PCDHGA7: variants seen among roughly 807,000 people sequenced by gnomAD.
PCDHGA7 encodes protocadherin gamma-A7.
PCDHGA7 carries 44 observed loss-of-function variants against 58.3 expected under a neutral mutation model. The ratio of observed to expected loss-of-function variants is 0.75; its 90% CI spans 0.59 to 0.97. The LOEUF is 0.97. Among genes scored for constraint, PCDHGA7 ranks in the 50% least tolerant of loss-of-function variants. The pLI, the probability that PCDHGA7 is intolerant of heterozygous loss-of-function variation, is 0.00. For missense variants in PCDHGA7, 1,266 were observed against 1,188.7 expected (o/e 1.06, Z -0.96); for synonymous variants, 516 against 504.2 (o/e 1.02, Z -0.31).
intron 1 of PCDHGA7, chr5:141,492,005 C>A (rs1444993907): frequency 3.1e-6 from 2 of 642,268 alleles, no homozygotes; most frequent in African/African-American, 3.8e-5. Flanking sequence ...GGGCGATTTC[C>A]GCGGGTGTCG....
At position 141,487,329 on chromosome 5, in the gene PCDHGA7, C is replaced by T; in HGVS notation, c.2425-7478C>T. On this transcript the variant is annotated intron_variant, in intron 1 of 3. Coordinates refer to ENST00000518325, the MANE Select transcript of PCDHGA7 (RefSeq NM_018920.4). This position sits in a 1 kb window ranked among gnomAD's most constrained non-coding sequence, Gnocchi z 5.0. Reference sequence around the variant, plus strand: ...CTACTCTCTAAGTGTCTTCGTGGGGCAGCCTGTGGAGTCACATGCTTTCCT... The same window carrying T: ...CTACTCTCTAAGTGTCTTCGTGGGGTAGCCTGTGGAGTCACATGCTTTCCT... 1 of 1,614,170 alleles carries T rather than the reference C, an allele frequency of 6.2e-7. No homozygotes were observed. The highest frequency in any genetic ancestry group is 1.1e-5 in the South Asian group (1 of 91,070).
chr5:141,408,219 C>T (rs560438654), intron 1 of PCDHGA7: 4 of 1,557,930 alleles, frequency 2.6e-6, no homozygotes, highest in East Asian at 4.8e-5. Flanking sequence ...GGGAGCTGCG[C>T]GCAGAGGCGC....
intron 1 of PCDHGA7, chr5:141,419,932 C>T: frequency 6.2e-7 from 1 of 1,614,090 alleles, no homozygotes; most frequent in Non-Finnish European, 8.5e-7. Flanking sequence ...TGCAGTTTTA[C>T]CTGGTGGTGG....
chr5:141,451,955 A>T (rs1004010741), intron 1 of PCDHGA7, among the ~76,000 whole-genome samples: 2 of 152,196 alleles, frequency 1.3e-5, no homozygotes, highest in Admixed American at 1.3e-4. Flanking sequence ...CGAGAAAGTG[A>T]CATACCATCA....
chr5:141,500,688 T>C (rs2099802014), intron 2 of PCDHGA7, among the ~76,000 whole-genome samples: 1 of 152,224 alleles, frequency 6.6e-6, no homozygotes, highest in Non-Finnish European at 1.5e-5. Flanking sequence ...TATAGCTTTT[T>C]TCTTCTTTGC....
intron 1 of PCDHGA7, chr5:141,392,144 A>G (rs1172213450): frequency 6.6e-6 from 1 of 152,224 alleles, no homozygotes; most frequent in Admixed American, 6.5e-5. Flanking sequence ...AGTAGTTTAA[A>G]CCAAATAAAA....
rs70988802 is a variant in PCDHGA7 at position 141,450,006 on chromosome 5, C to CTATTTTTTTT, written c.2425-44800_2425-44799insATTTTTTTTT. ...CACATTGCATTTAGTTGCCATGTCTCTTTTTTTTTTTTTTTTTTGAGACAG... is the reference window on the plus strand; with the variant it reads ...CACATTGCATTTAGTTGCCATGTCTCTATTTTTTTTTTTTTTTTTTTTTTTTTTGAGACAG... On this transcript the variant is annotated intron_variant, in intron 1 of 3. Transcript: ENST00000518325. Among the ~76,000 whole-genome samples the CTATTTTTTTT allele has an allele frequency of 3.0e-5, 4 of 132,980 alleles. 1 individual carries two copies. The highest frequency in any genetic ancestry group is 5.6e-5 in the African/African-American group (2 of 35,572). 87.2% of individuals were successfully genotyped at this position (132,980 alleles called of 152,430 possible). A position where few individuals can be genotyped will look rare whatever the true frequency, so the allele number is the denominator to read the frequency against.
At chr5:141,478,174 GA>G (rs1156842877) in intron 1 of PCDHGA7, 1 of 1,613,574 alleles carries the variant, frequency 6.2e-7, no homozygotes, top group East Asian at 2.2e-5. Context: ...CCCGGGAGCA[GA>G]AAAAAAATCT....
At chr5:141,387,304 T>C (rs1186076797) in intron 1 of PCDHGA7, among the ~76,000 whole-genome samples, 3 of 152,208 alleles carry the variant, frequency 2.0e-5, no homozygotes, top group Non-Finnish European at 4.4e-5. Context: ...ATCCAGTATA[T>C]TTCTAATGAG....
intron 1 of PCDHGA7, chr5:141,404,839 T>C: frequency 6.2e-7 from 1 of 1,613,458 alleles, no homozygotes; most frequent in Non-Finnish European, 8.5e-7. Context: ...TGCGCACAGC[T>C]CGGGCCCTGC....
At chr5:141,394,658 A>G (rs755560495) in intron 1 of PCDHGA7, 1 of 1,610,022 alleles carries the variant, frequency 6.2e-7, no homozygotes, top group South Asian at 1.1e-5. Flanking sequence ...GCGAGCCGGG[A>G]CTCTTCTCGG....
intron 1 of PCDHGA7, chr5:141,410,295 T>G (rs1043971768): frequency 9.3e-6 from 15 of 1,613,864 alleles, no homozygotes; most frequent in Non-Finnish European, 1.3e-5. Context: ...GCCTTGGCCT[T>G]AATCTCAGTG....
chr5:141,471,046 C>CTT (rs1170588345), intron 1 of PCDHGA7, among the ~76,000 whole-genome samples: 26 of 113,248 alleles, frequency 2.3e-4, no homozygotes, highest in Non-Finnish European at 3.0e-4. Context: ...CCCAAGCCCT[C>CTT]TTTTTTTTTT....
intron 2 of PCDHGA7, among the ~76,000 whole-genome samples, chr5:141,495,407 C>T: frequency 6.6e-6 from 1 of 152,218 alleles, no homozygotes; most frequent in East Asian, 1.9e-4. Flanking sequence ...AGGCCCCCTT[C>T]TCCGGCCCCT....
In PCDHGA7 at chr5:141,408,496, G is replaced by C. The variant is rs758752081; in HGVS notation, c.2424+23173G>C. On this transcript the variant is annotated intron_variant, in intron 1 of 3. Coordinates refer to ENST00000518325, the MANE Select transcript of PCDHGA7 (RefSeq NM_018920.4). The stretch of plus-strand genomic sequence containing the variant: ...TAGACCGTGAGCAAATATGCAAAGA[G>C]AGAAGAAGATGTGAGTTGCAATTGG... 21 of 1,613,960 alleles carry C rather than the reference G, an allele frequency of 1.3e-5. No individual in the cohort carries two copies. In the East Asian group the frequency reaches 1.3e-4, roughly 10 times the overall value.
intron 1 of PCDHGA7, chr5:141,408,955 TA>T: frequency 2.5e-6 from 4 of 1,613,616 alleles, no homozygotes; most frequent in Non-Finnish European, 3.4e-6. Flanking sequence ...GAATTAGTCT[TA>T]GTGAAAATCT....
intron 1 of PCDHGA7, chr5:141,404,355 G>A (rs1170833341): frequency 6.2e-7 from 1 of 1,613,896 alleles, no homozygotes; most frequent in Admixed American, 1.7e-5. Flanking sequence ...AACGCCAGAG[G>A]TACTTCCATC....
intron 1 of PCDHGA7, chr5:141,395,547 TGTG>T (rs1561655259): frequency 0.04 from 6,887 of 174,198 alleles, 418 homozygotes; most frequent in African/African-American, 0.079. Context: ...ATTGTTTGTG[TGTG>T]TGTGTGTGTG....
At chr5:141,469,552 C>T (rs956606902) in intron 1 of PCDHGA7, among the ~76,000 whole-genome samples, 3 of 151,910 alleles carry the variant, frequency 2.0e-5, no homozygotes, top group Non-Finnish European at 4.4e-5. Flanking sequence ...TCCAGCCTGG[C>T]GACAGAGTGA....
Sources: gnomAD v4.1 joint callset for allele counts (sites outside exome capture counted in the v4.1 genomes callset) on GRCh38, gnomAD v4.1.1 for gene constraint, Gnocchi (gnomAD v3.1) non-coding constraint, MANE v1.5 for transcripts, NCBI Gene and HGNC (gene_info 2026-07-23, HGNC 2026-07-21) for gene names.